Variants in ADGRL3 observed in about 807,000 individuals in gnomAD.
ADGRL3 encodes the protein adhesion G protein-coupled receptor L3, also known as calcium-independent alpha-latrotoxin receptor 3.
ADGRL3 carries 62 observed loss-of-function variants against 153.5 expected under a neutral mutation model. The observed-to-expected ratio is 0.40, with a 90% confidence interval of 0.33 to 0.50. The LOEUF (loss-of-function observed/expected upper bound fraction) is 0.50. Ranked by LOEUF, ADGRL3 falls within the 20% of genes least tolerant of loss-of-function variation. The pLI is 0.47. For synonymous variants in ADGRL3, 710 were observed against 672.5 expected, an observed-to-expected ratio of 1.06 and a Z score of -0.86; for missense variants, 1,641 against 1,859.4, an observed-to-expected ratio of 0.88 and a Z score of 2.16.
intron 8 of ADGRL3, among the ~76,000 whole-genome samples, chr4:61,760,231 G>A (rs750131495): frequency 2.6e-5 from 4 of 152,152 alleles, no homozygotes; most frequent in Non-Finnish European, 5.9e-5. Flanking sequence ...GCTGCCTTTT[G>A]TTTGGCTATT....
At chr4:61,244,202 G>A (rs1756140820) in intron 1 of ADGRL3, among the ~76,000 whole-genome samples, 1 of 151,912 alleles carries the variant, frequency 6.6e-6, no homozygotes, top group Admixed American at 6.6e-5. Context: ...GAAAGGGGAG[G>A]GATTGTGTTT....
At chr4:61,567,235 G>A (rs2098819957) in intron 4 of ADGRL3, among the ~76,000 whole-genome samples, 1 of 152,174 alleles carries the variant, frequency 6.6e-6, no homozygotes, top group Non-Finnish European at 1.5e-5. Flanking sequence ...AATTTCCAAA[G>A]TGCAGGCTTA....
chr4:61,326,321 CAGA>C (rs2095462809), intron 1 of ADGRL3, among the ~76,000 whole-genome samples: 1 of 151,932 alleles, frequency 6.6e-6, no homozygotes, highest in African/African-American at 2.4e-5. Flanking sequence ...TCAGGAGACA[CAGA>C]AGGAGATTCC....
At chr4:61,668,303 C>T (rs2094872104) in intron 5 of ADGRL3, among the ~76,000 whole-genome samples, 1 of 152,174 alleles carries the variant, frequency 6.6e-6, no homozygotes, top group Non-Finnish European at 1.5e-5. Flanking sequence ...AGGAAAGAAA[C>T]AGATTTTCCC....
intron 22 of ADGRL3, among the ~76,000 whole-genome samples, chr4:62,030,299 A>G (rs1721282662): frequency 6.6e-6 from 1 of 151,624 alleles, no homozygotes; most frequent in Admixed American, 6.6e-5. Flanking sequence ...CTGTAAATAT[A>G]TCTTCCTAAG....
chr4:61,578,270 G>A (rs1419516347), intron 4 of ADGRL3, among the ~76,000 whole-genome samples: 4 of 151,872 alleles, frequency 2.6e-5, no homozygotes, highest in Admixed American at 1.3e-4. Flanking sequence ...TCTAAGCCAC[G>A]GTTTGGTAAA....
chr4:61,776,282 A>G (rs1580771909), intron 8 of ADGRL3, among the ~76,000 whole-genome samples: 1 of 152,222 alleles, frequency 6.6e-6, no homozygotes, highest in East Asian at 1.9e-4. Context: ...ACGCGCCGAA[A>G]AGGTAAAATT....
At chr4:61,748,304 A>G (rs545240325) in intron 8 of ADGRL3, among the ~76,000 whole-genome samples, 312 of 152,310 alleles carry the variant, frequency 2.0e-3, no homozygotes, top group African/African-American at 7.0e-3. Flanking sequence ...TATAGATTCA[A>G]TGCTATCCCC....
At position 61,640,400 on chromosome 4, in the gene ADGRL3, T is replaced by C. The variant is rs528763991; in HGVS notation, c.474-36426T>C. Among the ~76,000 whole-genome samples the C allele has an allele frequency of 3.9e-5, 6 of 152,254 alleles. No homozygotes were observed. In the South Asian group the frequency reaches 1.2e-3, roughly 32 times the overall value. ...GTTCATGTTGCCCCAAAGATCCCTG[T>C]TTACATATTTAGCTTCAGTTGCCTG... On this transcript the variant is annotated intron_variant, in intron 5 of 26. Transcript: ENST00000683033.
At chr4:61,333,538 T>C (rs1488697318) in intron 1 of ADGRL3, among the ~76,000 whole-genome samples, 1 of 152,174 alleles carries the variant, frequency 6.6e-6, no homozygotes, top group East Asian at 1.9e-4. Flanking sequence ...ATGGCATTTC[T>C]TAATCTTAGT....
At chr4:61,674,138 A>G (rs1003613356) in intron 5 of ADGRL3, among the ~76,000 whole-genome samples, 1 of 133,754 alleles carries the variant, frequency 7.5e-6, no homozygotes, top group African/African-American at 2.9e-5. Flanking sequence ...AAATTTGTCG[A>G]TGCATTTTTA....
chr4:61,979,492 C>A, intron 17 of ADGRL3, 71 bp from the exon 18 acceptor site: 2 of 1,215,234 alleles, frequency 1.6e-6, no homozygotes, highest in Non-Finnish European at 2.4e-6. Flanking sequence ...CTTTGTGCAT[C>A]CAGGCCCTTA....
At chr4:61,514,832 A>G (rs796668257) in intron 3 of ADGRL3, among the ~76,000 whole-genome samples, 86 of 152,098 alleles carry the variant, frequency 5.7e-4, no homozygotes, top group African/African-American at 1.9e-3. Context: ...TCCTAGTTCT[A>G]TTGACGTGTG....
At chr4:61,207,658 C>T (rs1399126393) in intron 1 of ADGRL3, among the ~76,000 whole-genome samples, 8 of 152,176 alleles carry the variant, frequency 5.3e-5, no homozygotes, top group Admixed American at 5.2e-4. Flanking sequence ...AATTTACACT[C>T]CTACCAACAG....
At chr4:61,357,588 A>G (rs2096200114) in intron 1 of ADGRL3, among the ~76,000 whole-genome samples, 2 of 152,138 alleles carry the variant, frequency 1.3e-5, no homozygotes, top group Admixed American at 6.5e-5. Context: ...TGAGTATTTT[A>G]AAGAGTATTT....
At chr4:61,638,549 T>C (rs1481020149) in intron 5 of ADGRL3, among the ~76,000 whole-genome samples, 1 of 152,216 alleles carries the variant, frequency 6.6e-6, no homozygotes, top group Non-Finnish European at 1.5e-5. Flanking sequence ...GTCCACTTTT[T>C]AAATTATAGT....
At chr4:61,505,004 T>G (rs2098418150) in intron 3 of ADGRL3, among the ~76,000 whole-genome samples, 1 of 152,150 alleles carries the variant, frequency 6.6e-6, no homozygotes, top group Non-Finnish European at 1.5e-5. Context: ...CATACAGTAG[T>G]TCTTTTAGTC....
intron 4 of ADGRL3, among the ~76,000 whole-genome samples, chr4:61,532,191 T>C (rs989454778): frequency 1.3e-5 from 2 of 152,328 alleles, no homozygotes; most frequent in South Asian, 2.1e-4. Context: ...CAGTCAGATA[T>C]GCGTGACTGC....
intron 2 of ADGRL3, among the ~76,000 whole-genome samples, chr4:61,392,166 G>T (rs1404096357): frequency 6.6e-6 from 1 of 151,508 alleles, no homozygotes; most frequent in Non-Finnish European, 1.5e-5. Context: ...CCCCTGCCCG[G>T]CCAAAATGCT....
Sources: gnomAD v4.1 joint callset for allele counts (sites outside exome capture counted in the v4.1 genomes callset) on GRCh38, gnomAD v4.1.1 for gene constraint, MANE v1.5 for transcripts, NCBI Gene and HGNC (gene_info 2026-07-23, HGNC 2026-07-21) for gene names.